The following IL17REL variants were observed in gnomAD, a reference collection of about 807,000 sequenced individuals.
IL17REL encodes the protein interleukin 17 receptor E like.
A neutral mutation model predicts 49.0 loss-of-function variants in IL17REL; 36 were observed. That is an observed-to-expected ratio of 0.73 (90% CI 0.56 to 0.97). IL17REL has a LOEUF of 0.97. Among genes scored for constraint, IL17REL ranks in the 50% least tolerant of loss-of-function variants. IL17REL has a pLI of 0.00. For synonymous variants in IL17REL, 206 were observed against 192.4 expected, an observed-to-expected ratio of 1.07 and a Z score of -0.58; for missense variants, 470 against 453.9, an observed-to-expected ratio of 1.04 and a Z score of -0.32.
chr22:50,000,909 C>T (rs1315351890), intron 2 of IL17REL, 46 bp from the exon 4 acceptor site: 4 of 1,436,834 alleles, frequency 2.8e-6, no homozygotes, highest in South Asian at 2.8e-5. Flanking sequence ...GCAGGGCCGC[C>T]CCTGGCTCCG....
At chr22:50,010,928 A>C (rs1391264953), upstream of IL17REL, among the ~76,000 whole-genome samples, 2 of 151,654 alleles carry the variant, frequency 1.3e-5, no homozygotes, top group Non-Finnish European at 2.9e-5. Flanking sequence ...GGGAACCCCC[A>C]GGGCGGCTGC....
intron 4 of IL17REL, 41 bp from the exon 7 acceptor site, chr22:50,000,008 G>A: frequency 6.9e-7 from 1 of 1,445,342 alleles, no homozygotes; most frequent in Non-Finnish European, 9.2e-7. Context: ...GGGACCAGCG[G>A]TCACCGACGC....
intron 7 of IL17REL, 128 bp downstream of exon 9, chr22:49,999,163 C>A: frequency 8.7e-7 from 1 of 1,150,730 alleles, no homozygotes; most frequent in Non-Finnish European, 1.3e-6. Context: ...CAAGCCCTTC[C>A]GAGCAGGCTC....
Position 49,999,758 on chromosome 22 carries a change from T to C in IL17REL, c.474+70A>G, listed in dbSNP as rs1425274396. The C allele has an allele frequency of 3.4e-4, 389 of 1,142,582 alleles. 1 individual carries two copies. Among genetic ancestry groups the C allele is most frequent in the Non-Finnish European group, 4.0e-4 (369 of 924,438 alleles). 70.8% of individuals were successfully genotyped at this position (1,142,582 alleles called of 1,614,324 possible). ...GCGCGGGGTGGGCGGGGCCTAAGGCTGACCGGGGCCCGGGGCGCGGAGGTG... is the reference window on the plus strand; with the variant it reads ...GCGCGGGGTGGGCGGGGCCTAAGGCCGACCGGGGCCCGGGGCGCGGAGGTG... On this transcript the variant is annotated intron_variant, in intron 5 of 12. Coordinates refer to ENST00000341280, the Ensembl canonical transcript of IL17REL.
chr22:50,010,778 G>C (rs1013507880), upstream of IL17REL, among the ~76,000 whole-genome samples: 3 of 136,322 alleles, frequency 2.2e-5, no homozygotes, highest in African/African-American at 9.5e-5. Context: ...CACGGGGAGC[G>C]GGACCCGGGC....
At chr22:49,998,755 G>GTA (rs570968380) in intron 7 of IL17REL, among the ~76,000 whole-genome samples, 45 of 147,884 alleles carry the variant, frequency 3.0e-4, no homozygotes, top group African/African-American at 1.1e-3. Flanking sequence ...GCATGGGTGC[G>GTA]TGTGCATGGG....
chr22:49,993,759 G>C (rs1298287228), downstream of IL17REL, among the ~76,000 whole-genome samples: 1 of 152,144 alleles, frequency 6.6e-6, no homozygotes, highest in Non-Finnish European at 1.5e-5. The surrounding 1 kb of genome is among the most constrained non-coding windows in gnomAD (Gnocchi z 6.0). Flanking sequence ...ACCCTGGTCT[G>C]GCCAATCCTC....
At position 49,997,772 on chromosome 22, in the gene IL17REL, G is replaced by A. The variant is rs761298462; in HGVS notation, c.820-30C>T. 6.8e-6 allele frequency: 11 copies of A among 1,609,724 alleles called. No homozygotes were observed. The East Asian group carries it at 1.6e-4, about 23-fold the overall frequency. Reference sequence around the variant, plus strand: ...AAAGTGGGGTGAGGGGTGCAGGAGGGTGGAGTGTGTGTGAGGCAGGGGCAG... The same window carrying A: ...AAAGTGGGGTGAGGGGTGCAGGAGGATGGAGTGTGTGTGAGGCAGGGGCAG... On this transcript the variant is annotated intron_variant, in intron 9 of 12. Coordinates refer to ENST00000341280, the Ensembl canonical transcript of IL17REL.
At chr22:50,011,248 A>C (rs1399644055), upstream of IL17REL, among the ~76,000 whole-genome samples, 2 of 66,074 alleles carry the variant, frequency 3.0e-5, no homozygotes, top group Non-Finnish European at 5.9e-5. Flanking sequence ...TCTCCCCTCC[A>C]GCACTTCCCC....
At chr22:50,004,635 C>T (rs575165150) in intron 1 of IL17REL, among the ~76,000 whole-genome samples, 1 of 151,088 alleles carries the variant, frequency 6.6e-6, no homozygotes, top group Non-Finnish European at 1.5e-5. Context: ...CCGAGGAGGG[C>T]AGATCACCAG....
intron 1 of IL17REL, among the ~76,000 whole-genome samples, chr22:50,007,742 C>T (rs887697587): frequency 2.0e-5 from 3 of 152,002 alleles, no homozygotes; most frequent in South Asian, 2.1e-4. Context: ...GTCATCCTTG[C>T]GCAGGGGCCA....
chr22:49,999,964 C>G (rs2061068279), exon 5 of IL17REL: 1 of 1,510,096 alleles, frequency 6.6e-7, no homozygotes, highest in Non-Finnish European at 8.9e-7. Flanking sequence ...GCTGAGCTTC[C>G]CCGCTGCAGG....
intron 1 of IL17REL, among the ~76,000 whole-genome samples, chr22:50,005,808 AC>A (rs1451859254): frequency 7.1e-6 from 1 of 141,092 alleles, no homozygotes; most frequent in Non-Finnish European, 1.5e-5. Flanking sequence ...TTGTCCCCCT[AC>A]CCCCCAGAAA....
exon 3 of IL17REL, chr22:50,000,758 T>C: frequency 6.3e-7 from 1 of 1,587,364 alleles, no homozygotes; most frequent in Non-Finnish European, 8.6e-7. Flanking sequence ...CCTCACCTGC[T>C]GCCCCCCCTG....
At chr22:50,011,773 C>T (rs981833302), upstream of IL17REL, among the ~76,000 whole-genome samples, 2 of 152,232 alleles carry the variant, frequency 1.3e-5, no homozygotes, top group Admixed American at 6.5e-5. Context: ...CTGCTCCCCT[C>T]CCTGAGCTGA....
chr22:50,008,435 G>A (rs548885454), intron 1 of IL17REL, among the ~76,000 whole-genome samples: 174 of 152,302 alleles, frequency 1.1e-3, no homozygotes, highest in African/African-American at 4.0e-3. Context: ...CTCTGGCCAG[G>A]AGCCAGGGTG....
intron 7 of IL17REL, among the ~76,000 whole-genome samples, chr22:49,998,964 T>C (rs2061056639): frequency 6.6e-6 from 1 of 152,140 alleles, no homozygotes; most frequent in Non-Finnish European, 1.5e-5. Flanking sequence ...CGTGGGTGTC[T>C]GTGCATGTGT....
At chr22:50,012,251 C>G (rs891623956), upstream of IL17REL, among the ~76,000 whole-genome samples, 6 of 152,338 alleles carry the variant, frequency 3.9e-5, no homozygotes, top group Admixed American at 3.9e-4. Flanking sequence ...GGGTGGGAGC[C>G]CCGGATGGGC....
At chr22:50,000,632 A>G (rs761174785) in intron 3 of IL17REL, 40 bp from the exon 5 acceptor site, 4 of 1,580,316 alleles carry the variant, frequency 2.5e-6, no homozygotes, top group South Asian at 1.1e-5. Flanking sequence ...ACTCAGAGGC[A>G]CTGCCCACCC....
Sources: allele counts gnomAD v4.1 joint callset (sites outside exome capture counted in the v4.1 genomes callset), GRCh38; gene constraint gnomAD v4.1.1; non-coding constraint Gnocchi (gnomAD v3.1); transcripts MANE v1.5; gene names NCBI Gene and HGNC (gene_info 2026-07-23, HGNC 2026-07-21).